Variants in CCDC175 observed in about 807,000 individuals in gnomAD.
CCDC175 encodes coiled-coil domain containing 175, also known as coiled-coil domain-containing protein 175.
CCDC175 carries 100 observed loss-of-function variants against 114.6 expected under a neutral mutation model. The ratio of observed to expected loss-of-function variants is 0.87; its 90% CI spans 0.74 to 1.03. The LOEUF is 1.03. Among genes scored for constraint, CCDC175 ranks in the 50% least tolerant of loss-of-function variants. CCDC175 has a pLI of 0.00. For synonymous variants in CCDC175, 306 were observed against 308.7 expected (o/e 0.99, Z 0.09); for missense variants, 880 against 917.8 (o/e 0.96, Z 0.53).
At chr14:59,516,896 T>A (rs1203901993) in intron 17 of CCDC175, among the ~76,000 whole-genome samples, 1 of 152,130 alleles carries the variant, frequency 6.6e-6, no homozygotes, top group Non-Finnish European at 1.5e-5. Flanking sequence ...ATATCCCTGA[T>A]GAACATTGAT....
In CCDC175 at chr14:59,576,760, A is replaced by G. The variant is rs1231419966; in HGVS notation, c.16T>C (p.Trp6Arg). MALSP[W>R]TPGLGAGEKL... ...TCGCCAGCGCCCAGCCCTGGGGTCCAGGGGCTCAGGGCCATTTTGCCGCTC... is the reference window on the plus strand; with the variant it reads ...TCGCCAGCGCCCAGCCCTGGGGTCCGGGGGCTCAGGGCCATTTTGCCGCTC... Residue 6 changes from tryptophan (W) to arginine (R), a missense_variant, in exon 1 of 20, where the codon TGG becomes CGG. By Grantham distance (101) the Trp-to-Arg change is moderately radical (BLOSUM62 -3). Coordinates refer to ENST00000537690, the MANE Select transcript of CCDC175 (RefSeq NM_001164399.2). 3 of 1,453,798 alleles carry G rather than the reference A, an allele frequency of 2.1e-6. No individual in the cohort carries two copies. Among genetic ancestry groups the G allele is most frequent in the East Asian group, 5.8e-5 (2 of 34,388 alleles). The allele number at this position is 1,453,798 out of a possible 1,614,324, so 90.1% of individuals were successfully genotyped here. A position where few individuals can be genotyped will look rare whatever the true frequency, so the allele number is the denominator to read the frequency against.
chr14:59,559,276 G>C (rs1896099389), intron 7 of CCDC175, among the ~76,000 whole-genome samples: 1 of 152,084 alleles, frequency 6.6e-6, no homozygotes, highest in Non-Finnish European at 1.5e-5. Context: ...AATTAGAAAG[G>C]TAGGCATTGG....
intron 17 of CCDC175, among the ~76,000 whole-genome samples, chr14:59,512,354 T>C (rs1208825901): frequency 2.6e-5 from 4 of 152,246 alleles, no homozygotes; most frequent in African/African-American, 9.6e-5. Context: ...AAAGGCACTC[T>C]GTGCCCGCAT....
At chr14:59,565,362 G>A (rs944959245) in intron 4 of CCDC175, 87 bp from the exon 5 acceptor site, 16 of 1,055,878 alleles carry the variant, frequency 1.5e-5, no homozygotes, top group Non-Finnish European at 2.2e-5. Flanking sequence ...CTCAGCAAGA[G>A]GAAAAGTGTA....
chr14:59,527,231 C>T, intron 14 of CCDC175, 57 bp from the exon 15 acceptor site: 2 of 893,708 alleles, frequency 2.2e-6, no homozygotes, highest in Non-Finnish European at 3.3e-6. Flanking sequence ...AAATATTAAT[C>T]AAAGAAGTAC....
At chr14:59,572,921 T>C in intron 2 of CCDC175, 108 bp from the exon 3 acceptor site, 1 of 581,408 alleles carries the variant, frequency 1.7e-6, no homozygotes, top group South Asian at 2.8e-5. Context: ...ATAATTTCAC[T>C]AAATATCTTC....
rs1299084960 is a variant in CCDC175 at position 59,505,297 on chromosome 14, C to T, written c.2324G>A (p.Arg775His). The change falls in exon 20 of 20, where the codon CGT (arginine) becomes CAT (histidine). Residue 775 changes from arginine (R) to histidine (H), a missense_variant. Arg to His is a conservative substitution (Grantham distance 29, BLOSUM62 0). Transcript: ENST00000537690. ...MDLLKKKKHI[R>H]TRVHFPVVKC... ...AACCACTGGGAAATGAACCCTTGTA[C>T]GAATGTGTTTCTTCTTCTCTGTAGG... The T allele has an allele frequency of 1.6e-5, 24 of 1,499,228 alleles. 1 individual carries two copies. Among genetic ancestry groups the T allele is most frequent in the East Asian group, 2.5e-5 (1 of 40,468 alleles). 92.9% of individuals were successfully genotyped at this position (1,499,228 alleles called of 1,614,324 possible). A position where few individuals can be genotyped will look rare whatever the true frequency, so the allele number is the denominator to read the frequency against.
At chr14:59,530,799 T>C (rs2882169) in intron 14 of CCDC175, among the ~76,000 whole-genome samples, 68,595 of 152,108 alleles carry the variant, frequency 0.45, 16,422 homozygotes, top group African/African-American at 0.61. Context: ...TCCCCATATT[T>C]GTCTTTGCTA....
intron 6 of CCDC175, among the ~76,000 whole-genome samples, chr14:59,562,310 A>ACG (rs1896267888): frequency 1.6e-4 from 1 of 6,156 alleles, no homozygotes; most frequent in African/African-American, 1.8e-4. Context: ...GAGACGTCCC[A>ACG]TGTGAGTTAA....
rs750866295 is a variant in CCDC175 at position 59,568,393 on chromosome 14, T to G, written c.356-13A>C. ...TCTCGGACACATTCTTCAAAGTAAG[T>G]GGAAATATTACTACATTATTTGAGG... On this transcript the variant is annotated splice_polypyrimidine_tract_variant and intron_variant, in intron 3 of 19. Coordinates refer to ENST00000537690, the MANE Select transcript of CCDC175 (RefSeq NM_001164399.2). The G allele has an allele frequency of 5.1e-5, 77 of 1,495,258 alleles. No individual in the cohort carries two copies. The highest frequency in any genetic ancestry group is 6.6e-5 in the Non-Finnish European group (75 of 1,131,970). 92.6% of individuals were successfully genotyped at this position (1,495,258 alleles called of 1,614,324 possible). A position where few individuals can be genotyped will look rare whatever the true frequency, so the allele number is the denominator to read the frequency against.
At chr14:59,506,690 C>T (rs1487507056) in intron 19 of CCDC175, among the ~76,000 whole-genome samples, 1 of 152,154 alleles carries the variant, frequency 6.6e-6, no homozygotes, top group African/African-American at 2.4e-5. Flanking sequence ...GAGACAAGTA[C>T]TAGGCAAATG....
chr14:59,539,560 A>G (rs1371060593), intron 11 of CCDC175, among the ~76,000 whole-genome samples: 1 of 126,076 alleles, frequency 7.9e-6, no homozygotes, highest in Non-Finnish European at 1.8e-5. Context: ...ATCCTGGGCA[A>G]AAAGAGTGAA....
At chr14:59,515,686 A>G (rs893806199) in intron 17 of CCDC175, among the ~76,000 whole-genome samples, 1 of 152,184 alleles carries the variant, frequency 6.6e-6, no homozygotes, top group African/African-American at 2.4e-5. Flanking sequence ...AGAGACCTGG[A>G]AAGAGACTTA....
chr14:59,508,565 C>CAAAAAA (rs565175219), intron 19 of CCDC175, among the ~76,000 whole-genome samples: 73 of 74,068 alleles, frequency 9.9e-4, no homozygotes, highest in Middle Eastern at 7.1e-3. Flanking sequence ...GGCCCTGTCT[C>CAAAAAA]AAAAAAAAAA....
At chr14:59,516,295 GA>G (rs1893081046) in intron 17 of CCDC175, among the ~76,000 whole-genome samples, 1 of 152,166 alleles carries the variant, frequency 6.6e-6, no homozygotes, top group Non-Finnish European at 1.5e-5. Context: ...AAAGCTAGCA[GA>G]AGGTGAGAAA....
Position 59,576,742 on chromosome 14 carries a change from C to G in CCDC175, c.34G>C (p.Ala12Pro), listed in dbSNP as rs973813577. 1.4e-6 allele frequency: 2 copies of G among 1,475,424 alleles called. No homozygotes were observed. The highest frequency in any genetic ancestry group is 2.9e-5 in the African/African-American group (2 of 68,580). The allele number at this position is 1,475,424 out of a possible 1,614,324, so 91.4% of individuals were successfully genotyped here. Residue 12 changes from alanine to proline, a missense_variant, in exon 1 of 20, where the codon GCT becomes CCT. Transcript: ENST00000537690. ...ALSPWTPGLG[A>P]GEKLVQAAAV... ...GCCGCCTGCACCAGCTTCTCGCCAG[C>G]GCCCAGCCCTGGGGTCCAGGGGCTC...
intron 14 of CCDC175, among the ~76,000 whole-genome samples, chr14:59,528,278 T>C (rs1440926460): frequency 1.3e-5 from 2 of 152,166 alleles, no homozygotes; most frequent in African/African-American, 2.4e-5. Context: ...TTTAGGATCC[T>C]CTCTTTCCAT....
chr14:59,533,814 C>T (rs1049464819), intron 13 of CCDC175, among the ~76,000 whole-genome samples: 1 of 151,596 alleles, frequency 6.6e-6, no homozygotes, highest in Non-Finnish European at 1.5e-5. Flanking sequence ...TGGTGAAACC[C>T]CGTCTCTACT....
chr14:59,538,719 C>G lies in CCDC175; in HGVS notation c.1477G>C (p.Glu493Gln), dbSNP rs1416851629. The change falls in exon 12 of 20, where the codon GAA (glutamate) becomes CAA (glutamine). Residue 493 changes from glutamate (E) to glutamine (Q), a missense_variant. By Grantham distance (29) the Glu-to-Gln change is conservative. Coordinates refer to ENST00000537690, the MANE Select transcript of CCDC175 (RefSeq NM_001164399.2). ...KIQNAEVRRI[E>Q]LLNETSFRQQ... is the part of the protein sequence containing the mutation. ...AGTTCTCTTACCTCGTTAAGTAATTCAATTCGTCTAACTTCTGCATTCTGA... is the reference window on the plus strand; with the variant it reads ...AGTTCTCTTACCTCGTTAAGTAATTGAATTCGTCTAACTTCTGCATTCTGA... The G allele has an allele frequency of 3.9e-5, 60 of 1,534,962 alleles. No individual in the cohort carries two copies. The highest frequency in any genetic ancestry group is 4.9e-5 in the Non-Finnish European group (56 of 1,146,140).
Sources: allele counts gnomAD v4.1 joint callset (sites outside exome capture counted in the v4.1 genomes callset), GRCh38; gene constraint gnomAD v4.1.1; transcripts MANE v1.5; gene names NCBI Gene and HGNC (gene_info 2026-07-23, HGNC 2026-07-21).